Variants in DCC observed in about 807,000 individuals in gnomAD.
DCC encodes the protein netrin receptor DCC.
DCC carries 58 observed loss-of-function variants against 172.5 expected under a neutral mutation model. The observed-to-expected ratio is 0.34, with a 90% confidence interval of 0.27 to 0.42. The LOEUF is 0.42. Ranked by LOEUF, DCC falls within the 10% of genes least tolerant of loss-of-function variation. The pLI is 1.00. For synonymous variants in DCC, 709 were observed against 644.5 expected (o/e 1.10, Z -1.52); for missense variants, 1,740 against 1,791.0 (o/e 0.97, Z 0.51).
chr18:52,706,081 G>T (rs1044476609), intron 1 of DCC, among the ~76,000 whole-genome samples: 1 of 152,140 alleles, frequency 6.6e-6, no homozygotes, highest in Non-Finnish European at 1.5e-5. Flanking sequence ...TGGAAATCAC[G>T]TCTGATCCCA....
chr18:53,041,319 G>T (rs1289138716), intron 5 of DCC, among the ~76,000 whole-genome samples: 1 of 151,984 alleles, frequency 6.6e-6, no homozygotes, highest in Non-Finnish European at 1.5e-5. Context: ...AGATCAGATG[G>T]TTGTAGATGT....
intron 12 of DCC, among the ~76,000 whole-genome samples, chr18:53,281,401 A>G (rs537387593): frequency 2.0e-5 from 3 of 152,126 alleles, no homozygotes; most frequent in Non-Finnish European, 4.4e-5. Flanking sequence ...CACGCACACA[A>G]TATATTGCAT....
chr18:53,091,425 C>T (rs1005973364), intron 7 of DCC, among the ~76,000 whole-genome samples: 5 of 149,226 alleles, frequency 3.4e-5, no homozygotes, highest in East Asian at 2.0e-4. Flanking sequence ...CACACACACA[C>T]GCACAATTCA....
intron 1 of DCC, among the ~76,000 whole-genome samples, chr18:52,683,051 C>A (rs562754715): frequency 6.6e-6 from 1 of 152,028 alleles, no homozygotes; most frequent in Non-Finnish European, 1.5e-5. Context: ...ACATAGGATA[C>A]GTGGCTCAGT....
intron 2 of DCC, among the ~76,000 whole-genome samples, chr18:52,826,240 T>A (rs1156266518): frequency 6.6e-6 from 1 of 152,208 alleles, no homozygotes; most frequent in East Asian, 1.9e-4. Flanking sequence ...TCTATTTTTC[T>A]GCCCAAAGGA....
At chr18:53,013,611 T>A (rs779338599) in intron 5 of DCC, among the ~76,000 whole-genome samples, 1 of 151,614 alleles carries the variant, frequency 6.6e-6, no homozygotes, top group East Asian at 1.9e-4. Context: ...AAATCCTAGA[T>A]GATGGGTTGA....
chr18:53,500,767 C>G (rs1344950602), intron 27 of DCC, among the ~76,000 whole-genome samples: 1 of 151,746 alleles, frequency 6.6e-6, no homozygotes, highest in Non-Finnish European at 1.5e-5. Flanking sequence ...TGGAGTCTTC[C>G]TTGACACATA....
intron 15 of DCC, among the ~76,000 whole-genome samples, chr18:53,355,412 A>G (rs1479151944): frequency 6.6e-6 from 1 of 152,120 alleles, no homozygotes; most frequent in Non-Finnish European, 1.5e-5. Flanking sequence ...ATGAGCATGG[A>G]ACGTTCTTCC....
chr18:52,501,884 G>A (rs1189598568), intron 1 of DCC, among the ~76,000 whole-genome samples: 2 of 152,102 alleles, frequency 1.3e-5, no homozygotes, highest in African/African-American at 2.4e-5. Context: ...TTATCTGTGG[G>A]CAGTCTCTGG....
chr18:52,986,098 T>C (rs2041288731), intron 5 of DCC, among the ~76,000 whole-genome samples: 1 of 152,162 alleles, frequency 6.6e-6, no homozygotes, highest in African/African-American at 2.4e-5. Flanking sequence ...TCTGTCACCA[T>C]GGAAAATTTT....
chr18:52,962,029 A>T (rs1286319103), intron 5 of DCC, among the ~76,000 whole-genome samples: 4 of 152,154 alleles, frequency 2.6e-5, no homozygotes, highest in Non-Finnish European at 4.4e-5. Flanking sequence ...AGGCAATACC[A>T]TTCAGGACAT....
chr18:52,425,569 C>T (rs1396125151), intron 1 of DCC, among the ~76,000 whole-genome samples: 2 of 152,096 alleles, frequency 1.3e-5, no homozygotes, highest in East Asian at 3.9e-4. Context: ...TACTGCACAG[C>T]CAGTAGAAAA....
At chr18:52,859,324 C>T (rs965849094) in intron 2 of DCC, among the ~76,000 whole-genome samples, 1 of 152,020 alleles carries the variant, frequency 6.6e-6, no homozygotes, top group Non-Finnish European at 1.5e-5. Flanking sequence ...TCTGAAGTTT[C>T]ACTGAGAAAT....
At chr18:52,833,787 A>G (rs1392788945) in intron 2 of DCC, among the ~76,000 whole-genome samples, 1 of 152,104 alleles carries the variant, frequency 6.6e-6, no homozygotes, top group Non-Finnish European at 1.5e-5. Context: ...CAGCCTCCCA[A>G]GTAACTGGGA....
At chr18:53,498,869 C>G (rs1157225680) in intron 26 of DCC, among the ~76,000 whole-genome samples, 1 of 152,144 alleles carries the variant, frequency 6.6e-6, no homozygotes, top group Non-Finnish European at 1.5e-5. Context: ...TGACAGTTGA[C>G]ATGGCATGTT....
chr18:53,090,182 T>C (rs2144175038), intron 7 of DCC, among the ~76,000 whole-genome samples: 1 of 152,298 alleles, frequency 6.6e-6, no homozygotes, highest in African/African-American at 2.4e-5. Flanking sequence ...TGTCTTTTGT[T>C]TCTTAAAGGA....
intron 1 of DCC, among the ~76,000 whole-genome samples, chr18:52,506,113 G>A (rs1391707963): frequency 6.6e-6 from 1 of 152,008 alleles, no homozygotes; most frequent in East Asian, 1.9e-4. Flanking sequence ...AAGTATTAGG[G>A]TAATAGTTGT....
intron 23 of DCC, among the ~76,000 whole-genome samples, chr18:53,457,271 G>A (rs186877353): frequency 3.9e-5 from 6 of 152,298 alleles, no homozygotes; most frequent in Non-Finnish European, 5.9e-5. Flanking sequence ...AAAAACAGAA[G>A]CCATCTGGGG....
intron 1 of DCC, among the ~76,000 whole-genome samples, chr18:52,711,792 G>C (rs2036296223): frequency 6.6e-6 from 1 of 152,166 alleles, no homozygotes; most frequent in African/African-American, 2.4e-5. Context: ...AGCATGGCAT[G>C]TGTCCCACCT....
Sources: allele counts gnomAD v4.1 joint callset (sites outside exome capture counted in the v4.1 genomes callset), GRCh38; gene constraint gnomAD v4.1.1; transcripts MANE v1.5; gene names NCBI Gene and HGNC (gene_info 2026-07-23, HGNC 2026-07-21).